Variants in PCDHGB7 observed in about 807,000 individuals in gnomAD.
The protein encoded by PCDHGB7 is protocadherin gamma-B7.
A neutral mutation model predicts 61.4 loss-of-function variants in PCDHGB7; 37 were observed. That is an observed-to-expected ratio of 0.60 (90% CI 0.46 to 0.79). The LOEUF (loss-of-function observed/expected upper bound fraction) is 0.79. Ranked by LOEUF, PCDHGB7 falls within the 30% of genes least tolerant of loss-of-function variation. The pLI is 0.00. For synonymous variants in PCDHGB7, 464 were observed against 503.5 expected, an observed-to-expected ratio of 0.92 and a Z score of 1.05; for missense variants, 1,166 against 1,202.5, an observed-to-expected ratio of 0.97 and a Z score of 0.45.
At chr5:141,425,253 A>G (rs1019069029) in intron 1 of PCDHGB7, among the ~76,000 whole-genome samples, 12 of 152,196 alleles carry the variant, frequency 7.9e-5, no homozygotes, top group Non-Finnish European at 1.5e-4. Context: ...GATATGAGGT[A>G]TTTGGCTGGG....
In PCDHGB7 at chr5:141,485,848, C is replaced by T; in HGVS notation, c.2416-8959C>T. On this transcript the variant is annotated intron_variant, in intron 1 of 3. Coordinates refer to ENST00000398594, the MANE Select transcript of PCDHGB7 (RefSeq NM_018927.4). This position sits in a 1 kb window ranked among gnomAD's most constrained non-coding sequence, Gnocchi z 5.7. ...GAGGGAACCCGCCGAGATCTGGCAC[C>T]GCAGAGCTCCGGGTATCCGTGCTGG... The T allele has an allele frequency of 1.2e-6, 2 of 1,614,194 alleles. No homozygotes were observed. Among genetic ancestry groups the T allele is most frequent in the South Asian group, 2.2e-5 (2 of 91,080 alleles).
chr5:141,478,323 G>C, intron 1 of PCDHGB7: 1 of 1,613,958 alleles, frequency 6.2e-7, no homozygotes, highest in Non-Finnish European at 8.5e-7. Flanking sequence ...TCACTGTACC[G>C]AACACCAGGG....
intron 1 of PCDHGB7, among the ~76,000 whole-genome samples, chr5:141,465,280 C>T (rs922029628): frequency 7.2e-5 from 11 of 151,990 alleles, no homozygotes; most frequent in Non-Finnish European, 1.5e-4. Flanking sequence ...TTAGTTCACC[C>T]CTAAAGAACT....
intron 1 of PCDHGB7, among the ~76,000 whole-genome samples, chr5:141,445,248 T>C (rs1264046214): frequency 6.6e-6 from 1 of 152,224 alleles, no homozygotes; most frequent in African/African-American, 2.4e-5. Flanking sequence ...CACTATATTG[T>C]GTGAGAATAT....
At chr5:141,430,818 T>G (rs1240970813) in intron 1 of PCDHGB7, 2 of 1,540,582 alleles carry the variant, frequency 1.3e-6, no homozygotes, top group Non-Finnish European at 1.7e-6. Flanking sequence ...GGAATCCTCC[T>G]GGGGACTCTG....
At chr5:141,471,965 G>A (rs919560714) in intron 1 of PCDHGB7, among the ~76,000 whole-genome samples, 4 of 152,160 alleles carry the variant, frequency 2.6e-5, no homozygotes, top group Non-Finnish European at 4.4e-5. Context: ...GGGGTTGGTT[G>A]CATTACTGTA....
intron 1 of PCDHGB7, among the ~76,000 whole-genome samples, chr5:141,446,545 C>T (rs903831454): frequency 4.6e-5 from 7 of 151,914 alleles, no homozygotes; most frequent in African/African-American, 1.7e-4. Context: ...GGCCCTATCT[C>T]TGCTCACTGC....
chr5:141,423,503 C>T (rs1225012888), intron 1 of PCDHGB7: 2 of 1,613,984 alleles, frequency 1.2e-6, no homozygotes, highest in South Asian at 2.2e-5. Context: ...CACGAGGTCT[C>T]TCTCATTGCG....
rs2099183566 is a variant in PCDHGB7, at chr5:141,468,861, A to G, written c.2416-25946A>G. 3.9e-5 allele frequency among the ~76,000 whole-genome samples: 6 copies of G among 152,168 alleles called. No homozygotes were observed. In the South Asian group the frequency reaches 1.2e-3, roughly 32 times the overall value. On this transcript the variant is annotated intron_variant, in intron 1 of 3. Coordinates refer to ENST00000398594, the MANE Select transcript of PCDHGB7 (RefSeq NM_018927.4). ...AGCCTGGGCAACAGAGCGAGACTCCATCTCAAAAATAATAATAATAATAAT... is the reference window on the plus strand; with the variant it reads ...AGCCTGGGCAACAGAGCGAGACTCCGTCTCAAAAATAATAATAATAATAAT...
intron 1 of PCDHGB7, among the ~76,000 whole-genome samples, chr5:141,444,315 G>A (rs2098431855): frequency 6.6e-6 from 1 of 151,946 alleles, no homozygotes; most frequent in South Asian, 2.1e-4. Flanking sequence ...AGGATTACAG[G>A]CATGTGCCAC....
intron 1 of PCDHGB7, among the ~76,000 whole-genome samples, chr5:141,452,401 G>C (rs2098740635): frequency 6.6e-6 from 1 of 152,134 alleles, no homozygotes. Flanking sequence ...CTAAGATCTG[G>C]GTGTGAGGTA....
In PCDHGB7 at chr5:141,431,494, C is replaced by A; in HGVS notation, c.2415+11220C>A. 6.2e-7 allele frequency: 1 copy of A among 1,613,956 alleles called. No homozygotes were observed. Among genetic ancestry groups the A allele is most frequent in the Middle Eastern group, 1.6e-4 (1 of 6,062 alleles). On this transcript the variant is annotated intron_variant, in intron 1 of 3. Coordinates refer to ENST00000398594, the MANE Select transcript of PCDHGB7 (RefSeq NM_018927.4). This position sits in a 1 kb window ranked among gnomAD's most constrained non-coding sequence, Gnocchi z 4.8. Reference sequence around the variant, plus strand: ...ACAACGCACCAGCGTTTGCTCAGCCCGAGTACCGCGCGAGCGTTCCGGAGA... The same window carrying A: ...ACAACGCACCAGCGTTTGCTCAGCCAGAGTACCGCGCGAGCGTTCCGGAGA...
At chr5:141,499,271 T>C (rs2099790752) in intron 2 of PCDHGB7, among the ~76,000 whole-genome samples, 1 of 152,180 alleles carries the variant, frequency 6.6e-6, no homozygotes, top group South Asian at 2.1e-4. Context: ...GTCCCTAGAC[T>C]GTTCTCTGAT....
intron 1 of PCDHGB7, among the ~76,000 whole-genome samples, chr5:141,464,251 C>T (rs1438610569): frequency 1.4e-5 from 2 of 141,396 alleles, no homozygotes; most frequent in Admixed American, 7.5e-5. Flanking sequence ...GGCTACAGAG[C>T]GAGACTCCGT....
chr5:141,438,789 G>C (rs970735448), intron 1 of PCDHGB7, among the ~76,000 whole-genome samples: 23 of 149,578 alleles, frequency 1.5e-4, no homozygotes, highest in African/African-American at 5.4e-4. Flanking sequence ...AGCCTCTCCA[G>C]TAGCTGGGAT....
In PCDHGB7 at chr5:141,461,484, T is replaced by C. The variant is rs1171584384; in HGVS notation, c.2416-33323T>C. On this transcript the variant is annotated intron_variant, in intron 1 of 3. Transcript: ENST00000398594. ...GTCCTTTGCCTACTTTTTAATGGGATTGTGTTTTATTTTTCTTGGTGATTT... is the reference window on the plus strand; with the variant it reads ...GTCCTTTGCCTACTTTTTAATGGGACTGTGTTTTATTTTTCTTGGTGATTT... 2.6e-5 allele frequency among the ~76,000 whole-genome samples: 4 copies of C among 152,152 alleles called. No homozygotes were observed. In the East Asian group the frequency reaches 7.7e-4, roughly 29 times the overall value.
At chr5:141,484,437 T>C (rs2099596528) in intron 1 of PCDHGB7, among the ~76,000 whole-genome samples, 1 of 152,232 alleles carries the variant, frequency 6.6e-6, no homozygotes, top group African/African-American at 2.4e-5. Context: ...ATGTACTGCA[T>C]AAATTTAATT....
At chr5:141,422,639 C>A (rs777330051) in intron 1 of PCDHGB7, 1 of 1,612,780 alleles carries the variant, frequency 6.2e-7, no homozygotes, top group South Asian at 1.1e-5. Context: ...AGGGGTGCCT[C>A]CATCTTCTCA....
chr5:141,494,775 A>G (rs1202233200), intron 1 of PCDHGB7, 32 bp from the exon 2 acceptor site: 1 of 1,613,580 alleles, frequency 6.2e-7, no homozygotes. Flanking sequence ...TCTCACGGGT[A>G]CTCAGCCCCT....
Sources: gnomAD v4.1 joint callset for allele counts (sites outside exome capture counted in the v4.1 genomes callset) on GRCh38, gnomAD v4.1.1 for gene constraint, Gnocchi (gnomAD v3.1) non-coding constraint, MANE v1.5 for transcripts, NCBI Gene and HGNC (gene_info 2026-07-23, HGNC 2026-07-21) for gene names.